Variants in CUX1 observed in about 807,000 individuals in gnomAD.
CUX1 encodes the protein protein CASP.
A neutral mutation model predicts 158.8 loss-of-function variants in CUX1; 31 were observed. That is an observed-to-expected ratio of 0.20 (90% confidence interval 0.15 to 0.26). CUX1 has a LOEUF of 0.26. Ranked by LOEUF, CUX1 falls within the 10% of genes least tolerant of loss-of-function variation. The pLI, the probability that CUX1 is intolerant of heterozygous loss-of-function variation, is 1.00. For synonymous variants in CUX1, 879 were observed against 862.1 expected (o/e 1.02, Z -0.34); for missense variants, 1,589 against 2,014.6 (o/e 0.79, Z 4.04).
intron 1 of CUX1, among the ~76,000 whole-genome samples, chr7:101,824,934 A>G (rs1470761675): frequency 2.0e-5 from 3 of 151,984 alleles, no homozygotes; most frequent in African/African-American, 2.4e-5. Context: ...TTTCTGTGTC[A>G]CTCTGAAAGG....
rs1789818059 is a variant in CUX1, at chr7:102,255,672, T to C, written c.*6630T>C. On this transcript the variant is annotated 3_prime_UTR_variant, in exon 24 of 24. Transcript: ENST00000292535. The stretch of plus-strand genomic sequence containing the variant: ...GTGCCTTATATCCCAATGTCACGGC[T>C]ACATCCCTATGGAAATTAATCAGAA... 3.0e-6 allele frequency: 3 copies of C among 985,444 alleles called. No homozygotes were observed. The highest frequency in any genetic ancestry group is 2.4e-6 in the Non-Finnish European group (2 of 829,928). The allele number at this position is 985,444 out of a possible 1,614,324, so 61.0% of individuals were successfully genotyped here.
rs551296504 is a variant in CUX1 at position 102,201,749 on chromosome 7, G to A, written c.2452G>A (p.Gly818Ser). ...GGTGAAAAATGAGGTGGGCCGCAGC[G>A]GTGCCTGGAAGGACCACTGGTGGAG... ...RQVKNEVGRS[G>S]AWKDHWWSAV... Residue 818 changes from glycine to serine, a missense_variant, in exon 18 of 24, where the codon GGT (glycine) becomes AGT (serine). By Grantham distance (56) the Gly-to-Ser change is moderately conservative (BLOSUM62 0). Coordinates refer to ENST00000292535, the MANE Select transcript of CUX1 (RefSeq NM_181552.4). This position sits in a 1 kb window ranked among gnomAD's most constrained non-coding sequence, Gnocchi z 5.0. 25 of 1,612,642 alleles carry A rather than the reference G, an allele frequency of 1.6e-5. No individual in the cohort carries two copies. The highest frequency in any genetic ancestry group is 1.1e-4 in the South Asian group (10 of 91,078).
intron 21 of CUX1, among the ~76,000 whole-genome samples, chr7:102,230,996 G>A (rs1201155058): frequency 1.3e-5 from 2 of 150,480 alleles, no homozygotes; most frequent in Non-Finnish European, 2.9e-5. Flanking sequence ...GAGTAGCTGG[G>A]ACTACAGGCA....
intron 1 of CUX1, among the ~76,000 whole-genome samples, chr7:101,915,547 C>T (rs1177078386): frequency 6.6e-6 from 1 of 152,174 alleles, no homozygotes; most frequent in Non-Finnish European, 1.5e-5. Flanking sequence ...TTAATGGTCT[C>T]GAACATGATG....
intron 2 of CUX1, among the ~76,000 whole-genome samples, chr7:101,935,258 A>AAACCCCTT (rs1396559014): frequency 3.9e-5 from 6 of 152,120 alleles, no homozygotes; most frequent in African/African-American, 1.4e-4. Context: ...GCCAGAGAAC[A>AAACCCCTT]AACCCCTTTT....
In CUX1 at chr7:102,129,458, C is replaced by T. The variant is rs1355258193; in HGVS notation, c.674+14185C>T. Among the ~76,000 whole-genome samples, 8 of 152,168 alleles carry T rather than the reference C, an allele frequency of 5.3e-5. No individual in the cohort carries two copies. In the East Asian group the frequency reaches 1.4e-3, roughly 26 times the overall value. Reference sequence around the variant, plus strand: ...CAGCACTTTGGGAGGCCAAGATGGGCAGATCACTTGAGGTCAGGAGTTCGA... The same window carrying T: ...CAGCACTTTGGGAGGCCAAGATGGGTAGATCACTTGAGGTCAGGAGTTCGA... On this transcript the variant is annotated intron_variant, in intron 8 of 23. Coordinates refer to ENST00000292535, the MANE Select transcript of CUX1 (RefSeq NM_181552.4).
At chr7:102,283,336 A>C in exon 23 of CUX1, 1 of 542,878 alleles carries the variant, frequency 1.8e-6, no homozygotes, top group South Asian at 2.1e-5. Context: ...AGACCCTCTC[A>C]GCCCCCACCT....
In CUX1 at chr7:102,019,131, C is replaced by A. The variant is rs145749636; in HGVS notation, c.142-8967C>A. On this transcript the variant is annotated intron_variant, in intron 2 of 23. Transcript: ENST00000292535. ...TCTTAGTCCTTTGCACCATCCTCAGCCTTTATCCTCCTCGGTCCACATTCA... is the reference window on the plus strand; with the variant it reads ...TCTTAGTCCTTTGCACCATCCTCAGACTTTATCCTCCTCGGTCCACATTCA... Among the ~76,000 whole-genome samples, 560 of 152,290 alleles carry A rather than the reference C, an allele frequency of 3.7e-3. 2 individuals are homozygous for A. Among genetic ancestry groups the A allele is most frequent in the African/African-American group, 0.013 (526 of 41,556 alleles).
intron 20 of CUX1, among the ~76,000 whole-genome samples, chr7:102,281,650 G>A (rs1554549279): frequency 6.6e-6 from 1 of 151,404 alleles, no homozygotes; most frequent in African/African-American, 2.4e-5. Context: ...GCGACAGAGG[G>A]AGACTCTGTC....
intron 2 of CUX1, among the ~76,000 whole-genome samples, chr7:102,009,614 A>G (rs1430535959): frequency 1.3e-5 from 2 of 152,198 alleles, no homozygotes; most frequent in African/African-American, 4.8e-5. Context: ...TCTACAAGTA[A>G]AATAATTCAG....
intron 1 of CUX1, among the ~76,000 whole-genome samples, chr7:101,907,814 A>C (rs774476730): frequency 6.6e-6 from 1 of 152,172 alleles, no homozygotes; most frequent in Non-Finnish European, 1.5e-5. Flanking sequence ...GGGAAAAAAT[A>C]AGATTTTAAA....
chr7:101,963,054 TG>T (rs1810709309), intron 2 of CUX1, among the ~76,000 whole-genome samples: 2 of 152,310 alleles, frequency 1.3e-5, no homozygotes, highest in African/African-American at 4.8e-5. Flanking sequence ...ACTTTCAAGT[TG>T]TAAAGTAAAC....
chr7:102,091,613 G>T (rs1828588535), intron 4 of CUX1, among the ~76,000 whole-genome samples: 1 of 152,152 alleles, frequency 6.6e-6, no homozygotes, highest in Non-Finnish European at 1.5e-5. Context: ...GGGATTACAG[G>T]CACGCACCAC....
chr7:102,190,989 C>T (rs1411255677), intron 12 of CUX1, among the ~76,000 whole-genome samples: 1 of 152,184 alleles, frequency 6.6e-6, no homozygotes, highest in Non-Finnish European at 1.5e-5. Flanking sequence ...TAATTCCATT[C>T]TGCTAAGAAA....
chr7:101,948,864 C>G (rs1386748442), intron 2 of CUX1, among the ~76,000 whole-genome samples: 1 of 152,192 alleles, frequency 6.6e-6, no homozygotes, highest in Non-Finnish European at 1.5e-5. Flanking sequence ...GCAGAGAAAT[C>G]TCAGGAGGCA....
At chr7:102,075,858 C>A (rs561693591) in intron 4 of CUX1, among the ~76,000 whole-genome samples, 1 of 152,136 alleles carries the variant, frequency 6.6e-6, no homozygotes, top group Non-Finnish European at 1.5e-5. Flanking sequence ...TCGGAGTTGC[C>A]CAAACCAGCA....
At chr7:102,171,048 ACAC>A (rs1376052772) in intron 10 of CUX1, among the ~76,000 whole-genome samples, 1 of 152,210 alleles carries the variant, frequency 6.6e-6, no homozygotes, top group Non-Finnish European at 1.5e-5. Context: ...AGTGGGTATC[ACAC>A]CACTTTTTTG....
At position 102,196,691 on chromosome 7, in the gene CUX1, C is replaced by A; in HGVS notation, c.1280C>A (p.Pro427Gln). 1 of 1,603,094 alleles carries A rather than the reference C, an allele frequency of 6.2e-7. No individual in the cohort carries two copies. Among genetic ancestry groups the A allele is most frequent in the Non-Finnish European group, 8.5e-7 (1 of 1,174,004 alleles). ...GAAAGTCGGCGCCCGGGATCTTTGC[C>A]GGCCCCCCCTCCTTCTCAGTTGCCC... ...QPESRRPGSL[P>Q]APPPSQLPRN... Residue 427 changes from proline to glutamine, a missense_variant, in exon 15 of 24, where the codon CCG (proline) becomes CAG (glutamine). By Grantham distance (76) the Pro-to-Gln change is moderately conservative (BLOSUM62 -1). This residue lies in a region of CUX1 where 515 missense variants were observed against 574.4 expected (regional missense o/e 0.90). Transcript: ENST00000292535.
chr7:101,985,707 T>G (rs149210050), intron 2 of CUX1, among the ~76,000 whole-genome samples: 1,842 of 152,294 alleles, frequency 0.012, 13 homozygotes, highest in Non-Finnish European at 0.018. Context: ...CCACCCTGTT[T>G]TGAGGATTCA....
Sources: allele counts gnomAD v4.1 joint callset (sites outside exome capture counted in the v4.1 genomes callset), GRCh38; gene constraint gnomAD v4.1.1; regional missense constraint gnomAD v4.1.1; non-coding constraint Gnocchi (gnomAD v3.1); transcripts MANE v1.5; gene names NCBI Gene and HGNC (gene_info 2026-07-23, HGNC 2026-07-21).